The following DNAI7 variants were observed in gnomAD, a reference collection of about 807,000 sequenced individuals.
The protein encoded by DNAI7 is cancer susceptibility 1.
A neutral mutation model predicts 86.6 loss-of-function variants in DNAI7; 78 were observed. The ratio of observed to expected loss-of-function variants is 0.90; its 90% confidence interval spans 0.75 to 1.09. The LOEUF (loss-of-function observed/expected upper bound fraction) is 1.09, where lower values mean the gene tolerates loss of function less well. Among genes scored for constraint, DNAI7 ranks in the 50% least tolerant of loss-of-function variants. DNAI7 has a pLI of 0.00. For missense variants in DNAI7, 753 were observed against 810.2 expected (o/e 0.93, Z 0.86); for synonymous variants, 274 against 273.0 (o/e 1.00, Z -0.04).
intron 2 of DNAI7, among the ~76,000 whole-genome samples, chr12:25,176,268 A>G (rs1040440826): frequency 6.6e-6 from 1 of 152,084 alleles, no homozygotes; most frequent in African/African-American, 2.4e-5. Flanking sequence ...TGATCCTTTT[A>G]TATTTGTTAT....
intron 14 of DNAI7, among the ~76,000 whole-genome samples, chr12:25,110,568 C>T (rs965243388): frequency 4.6e-5 from 7 of 152,190 alleles, no homozygotes; most frequent in Admixed American, 2.0e-4. Context: ...TCCTCCAGCA[C>T]ACCAAGCCAC....
intron 1 of DNAI7, among the ~76,000 whole-genome samples, chr12:25,194,475 T>G (rs534568068): frequency 9.0e-4 from 137 of 152,220 alleles, no homozygotes; most frequent in Non-Finnish European, 1.6e-3. Context: ...AATGTCTTGA[T>G]GGAAACCACA....
chr12:25,190,680 ATAC>A (rs1250327908), intron 1 of DNAI7, 49 bp from the exon 2 acceptor site: 2 of 1,083,788 alleles, frequency 1.8e-6, no homozygotes, highest in Admixed American at 4.9e-5. Flanking sequence ...GACAATTCTG[ATAC>A]AAAAGTATCA....
intron 6 of DNAI7, among the ~76,000 whole-genome samples, chr12:25,154,036 C>G (rs1337794448): frequency 1.3e-5 from 2 of 152,096 alleles, no homozygotes; most frequent in South Asian, 2.1e-4. Context: ...ACTACCCCCA[C>G]CCGAGTTATC....
At chr12:25,118,946 G>A (rs1208798571) in intron 12 of DNAI7, among the ~76,000 whole-genome samples, 199 bp downstream of exon 12, 2 of 151,926 alleles carry the variant, frequency 1.3e-5, no homozygotes, top group Non-Finnish European at 2.9e-5. Flanking sequence ...GATACTTTAG[G>A]AGTTAATAGT....
intron 6 of DNAI7, among the ~76,000 whole-genome samples, chr12:25,153,542 T>G (rs1945810833): frequency 6.6e-6 from 1 of 152,234 alleles, no homozygotes; most frequent in Admixed American, 6.5e-5. Context: ...AAATTTTTCC[T>G]GTTATCCATA....
rs543378233 is a variant in DNAI7 at position 25,176,861 on chromosome 12, A to G, written c.21+13753T>C. Among the ~76,000 whole-genome samples, 896 of 151,556 alleles carry G rather than the reference A, an allele frequency of 5.9e-3. 10 individuals are homozygous for G. Among genetic ancestry groups the G allele is most frequent in the African/African-American group, 0.02 (835 of 41,354 alleles). ...GTGATTTGCTTTTTTTAATTGTGAC[A>G]AAGTATACATAACATAAAATTTACC... On this transcript the variant is annotated intron_variant, in intron 2 of 15. Transcript: ENST00000395987.
chr12:25,191,286 G>C (rs1343500245), intron 1 of DNAI7, among the ~76,000 whole-genome samples: 1 of 152,094 alleles, frequency 6.6e-6, no homozygotes, highest in African/African-American at 2.4e-5. Context: ...CATGCGTGTG[G>C]TCCCAGCTAC....
intron 6 of DNAI7, among the ~76,000 whole-genome samples, chr12:25,151,540 A>C (rs1945542953): frequency 1.3e-5 from 2 of 152,206 alleles, no homozygotes; most frequent in Admixed American, 1.3e-4. Flanking sequence ...TTCTTGTAAC[A>C]GGAAGATGTC....
chr12:25,179,360 T>C (rs955353165), intron 2 of DNAI7, among the ~76,000 whole-genome samples: 12 of 152,338 alleles, frequency 7.9e-5, no homozygotes, highest in African/African-American at 2.4e-4. Context: ...GTTCTAAATA[T>C]GTTTAATTCA....
chr12:25,179,317 C>T (rs1054519928), intron 2 of DNAI7, among the ~76,000 whole-genome samples: 2 of 152,094 alleles, frequency 1.3e-5, no homozygotes, highest in Admixed American at 6.5e-5. Context: ...AAAATGTTTG[C>T]GTGCTTAGAA....
At chr12:25,145,315 A>T (rs1368155363) in intron 8 of DNAI7, among the ~76,000 whole-genome samples, 1 of 152,148 alleles carries the variant, frequency 6.6e-6, no homozygotes, top group Non-Finnish European at 1.5e-5. Flanking sequence ...AAGTACTTCA[A>T]ACTCAGCCAG....
chr12:25,122,448 CAAAA>C (rs34138209), intron 10 of DNAI7, among the ~76,000 whole-genome samples: 1 of 76,718 alleles, frequency 1.3e-5, no homozygotes, highest in South Asian at 4.3e-4. Flanking sequence ...GATCTCATCT[CAAAA>C]AAAAAAAAAA....
chr12:25,184,933 C>A (rs1183774927), intron 2 of DNAI7, among the ~76,000 whole-genome samples: 1 of 149,298 alleles, frequency 6.7e-6, no homozygotes, highest in Admixed American at 6.7e-5. Context: ...AGTTTGAGAC[C>A]ACCCTGGACA....
At chr12:25,143,177 T>C (rs1454484189) in intron 9 of DNAI7, among the ~76,000 whole-genome samples, 1 of 152,070 alleles carries the variant, frequency 6.6e-6, no homozygotes, top group Non-Finnish European at 1.5e-5. Context: ...CATTAGAGTC[T>C]AAATACAATT....
At chr12:25,122,191 G>A (rs1192914138) in intron 10 of DNAI7, among the ~76,000 whole-genome samples, 1 of 152,072 alleles carries the variant, frequency 6.6e-6, no homozygotes, top group African/African-American at 2.4e-5. Flanking sequence ...ACAGGCTGGG[G>A]GCAGTGATTC....
intron 9 of DNAI7, among the ~76,000 whole-genome samples, chr12:25,129,571 A>G (rs1466189152): frequency 1.3e-5 from 2 of 152,202 alleles, no homozygotes; most frequent in Admixed American, 1.3e-4. Context: ...TTTATCCACG[A>G]TGATCACAAA....
intron 2 of DNAI7, among the ~76,000 whole-genome samples, chr12:25,170,595 C>A (rs1948034008): frequency 6.6e-6 from 1 of 152,062 alleles, no homozygotes. Flanking sequence ...AACAAAGAAA[C>A]AATGGATTTA....
At chr12:25,127,084 T>C (rs1391187834) in intron 9 of DNAI7, among the ~76,000 whole-genome samples, 1 of 136,598 alleles carries the variant, frequency 7.3e-6, no homozygotes, top group Non-Finnish European at 1.7e-5. Flanking sequence ...ATTGTACTAC[T>C]CTTTAGCTCA....
Sources: allele counts gnomAD v4.1 joint callset (sites outside exome capture counted in the v4.1 genomes callset), GRCh38; gene constraint gnomAD v4.1.1; transcripts MANE v1.5; gene names NCBI Gene and HGNC (gene_info 2026-07-23, HGNC 2026-07-21).